The following KCNK9 variants were observed in gnomAD, a reference collection of about 807,000 sequenced individuals.
The protein encoded by KCNK9 is potassium channel subfamily K member 9.
In KCNK9, 1 loss-of-function variant was observed where a neutral mutation model predicts 10.8. The ratio of observed to expected loss-of-function variants is 0.09; its 90% CI spans 0.03 to 0.44. The LOEUF (loss-of-function observed/expected upper bound fraction) is 0.44. KCNK9 is among the 20% of genes least tolerant of loss of function. The probability of loss-of-function intolerance (pLI) is 0.97; values close to 1 mark genes in which losing one functional copy is unlikely to be tolerated. For synonymous variants in KCNK9, 231 were observed against 222.7 expected, an observed-to-expected ratio of 1.04 and a Z score of -0.33; for missense variants, 303 against 515.0, an observed-to-expected ratio of 0.59 and a Z score of 3.98.
intron 1 of KCNK9, among the ~76,000 whole-genome samples, 191 bp from the exon 2 acceptor site, chr8:139,619,290 G>A (rs2130106677): frequency 6.6e-6 from 1 of 152,158 alleles, no homozygotes; most frequent in East Asian, 1.9e-4. Context: ...CACTTTCTCA[G>A]AAGTCACATG....
At chr8:139,653,731 TA>T (rs1413611465) in intron 1 of KCNK9, among the ~76,000 whole-genome samples, 1 of 152,026 alleles carries the variant, frequency 6.6e-6, no homozygotes, top group African/African-American at 2.4e-5. Flanking sequence ...TCAAAACCCA[TA>T]AATCGCTCTA....
In KCNK9 at chr8:139,672,012, G is replaced by A. The variant is rs113267521; in HGVS notation, c.283+30698C>T. ...TCGCAGTTCCCGCCCTGATGAACAT[G>A]ATGCAGCATCGGCTTGAGGCTAGGA... is the stretch of plus-strand genomic sequence containing the variant. On this transcript the variant is annotated intron_variant, in intron 1 of 1. Coordinates refer to ENST00000520439, the MANE Select transcript of KCNK9 (RefSeq NM_001282534.2). Among the ~76,000 whole-genome samples the A allele has an allele frequency of 4.5e-4, 68 of 152,338 alleles. 1 individual carries two copies. The highest frequency in any genetic ancestry group is 1.6e-3 in the African/African-American group (66 of 41,576).
intron 2 of KCNK9, among the ~76,000 whole-genome samples, chr8:139,604,113 G>A (rs1289842152): frequency 6.6e-6 from 1 of 152,232 alleles, no homozygotes; most frequent in East Asian, 1.9e-4. Flanking sequence ...CAGAGGAAGA[G>A]AAGGATGCAA....
Position 139,662,687 on chromosome 8 carries a change from G to A in KCNK9, c.283+40023C>T, listed in dbSNP as rs3780042. Among the ~76,000 whole-genome samples, 88 of 152,114 alleles carry A rather than the reference G, an allele frequency of 5.8e-4. No homozygotes were observed. In the East Asian group the frequency reaches 0.016, roughly 28 times the overall value. On this transcript the variant is annotated intron_variant, in intron 1 of 1. Coordinates refer to ENST00000520439, the MANE Select transcript of KCNK9 (RefSeq NM_001282534.2). ...TTGAGGGAGGGTCTAGCCAGGGTGG[G>A]CAGCCACAGCCATTTTCAACCCAAC... is the stretch of plus-strand genomic sequence containing the variant.
intron 1 of KCNK9, among the ~76,000 whole-genome samples, chr8:139,672,641 C>T (rs1278956380): frequency 6.6e-6 from 1 of 152,244 alleles, no homozygotes; most frequent in Non-Finnish European, 1.5e-5. Flanking sequence ...GGTTGTGGGA[C>T]AGGGTCGGCC....
chr8:139,678,405 T>G (rs1816611543), intron 1 of KCNK9, among the ~76,000 whole-genome samples: 3 of 152,196 alleles, frequency 2.0e-5, no homozygotes, highest in Non-Finnish European at 2.9e-5. Context: ...CCCTAGGCTC[T>G]TAGGAAGCCC....
In KCNK9 at chr8:139,687,435, C is replaced by A. The variant is rs916416164; in HGVS notation, c.283+15275G>T. Among the ~76,000 whole-genome samples the A allele has an allele frequency of 9.2e-5, 13 of 141,314 alleles. 2 individuals are homozygous for A. Among genetic ancestry groups the A allele is most frequent in the African/African-American group, 1.8e-4 (7 of 38,048 alleles). The allele number at this position is 141,314 out of a possible 152,430, so 92.7% of individuals were successfully genotyped here. On this transcript the variant is annotated intron_variant, in intron 1 of 1. Coordinates refer to ENST00000520439, the MANE Select transcript of KCNK9 (RefSeq NM_001282534.2). ...TCATATATGTGTATACATATATATTCATATATATGTATACACATATATATT... is the reference window on the plus strand; with the variant it reads ...TCATATATGTGTATACATATATATTAATATATATGTATACACATATATATT...
intron 1 of KCNK9, among the ~76,000 whole-genome samples, chr8:139,660,913 T>G (rs1816136365): frequency 6.6e-6 from 1 of 152,106 alleles, no homozygotes; most frequent in Non-Finnish European, 1.5e-5. Flanking sequence ...AGCCCTTATT[T>G]CCCCTGTCCT....
At chr8:139,639,465 C>T (rs2129642258) in intron 1 of KCNK9, among the ~76,000 whole-genome samples, 1 of 152,316 alleles carries the variant, frequency 6.6e-6, no homozygotes, top group Admixed American at 6.5e-5. Flanking sequence ...TGTCCCAAAG[C>T]ACCCGTGGAG....
At chr8:139,691,761 G>A (rs1586696126) in intron 1 of KCNK9, among the ~76,000 whole-genome samples, 1 of 152,112 alleles carries the variant, frequency 6.6e-6, no homozygotes, top group Non-Finnish European at 1.5e-5. Flanking sequence ...GAGAAAAGGG[G>A]CTCTGAAATG....
chr8:139,696,209 C>A (rs554482411), intron 1 of KCNK9, among the ~76,000 whole-genome samples: 31 of 152,256 alleles, frequency 2.0e-4, no homozygotes, highest in Admixed American at 1.9e-3. Context: ...ATAATGAGCT[C>A]TTTACCACTG....
intron 1 of KCNK9, among the ~76,000 whole-genome samples, chr8:139,684,437 T>A (rs1247044409): frequency 6.6e-6 from 1 of 152,230 alleles, no homozygotes; most frequent in African/African-American, 2.4e-5. Flanking sequence ...CTTATTTTTA[T>A]GTCTTTTGTT....
chr8:139,676,929 G>A (rs1816562576), intron 1 of KCNK9, among the ~76,000 whole-genome samples: 1 of 152,182 alleles, frequency 6.6e-6, no homozygotes, highest in Non-Finnish European at 1.5e-5. Flanking sequence ...TCCAGCCTGG[G>A]TGACAGAGTG....
intron 1 of KCNK9, 143 bp from the exon 2 acceptor site, chr8:139,619,242 C>CGTG (rs1814702076): frequency 1.1e-6 from 1 of 899,378 alleles, no homozygotes; most frequent in African/African-American, 1.7e-5. Flanking sequence ...GGTAGAGGGG[C>CGTG]GTGGCCATAT....
intron 1 of KCNK9, among the ~76,000 whole-genome samples, chr8:139,653,558 G>T (rs2129681802): frequency 6.6e-6 from 1 of 151,842 alleles, no homozygotes; most frequent in South Asian, 2.1e-4. Context: ...CTGGAGTGTG[G>T]CTGAGATGCT....
intron 1 of KCNK9, 120 bp from the exon 2 acceptor site, chr8:139,619,219 A>G: frequency 1.7e-6 from 2 of 1,143,782 alleles, no homozygotes; most frequent in Non-Finnish European, 2.5e-6. Flanking sequence ...TACTGGGGGA[A>G]TTTCCTCTGC....
In KCNK9 at chr8:139,702,137, CAG is replaced by C. The variant is rs1817234095; in HGVS notation, c.283+571_283+572del. ...AAGTCCAAGCTCCAGAACTGGAACT[CAG>C]GGGAAAAAAGGAGCCGGGCGGGGGG... On this transcript the variant is annotated intron_variant, in intron 1 of 1. Transcript: ENST00000520439. The surrounding 1 kb of genome is among the most constrained non-coding windows in gnomAD (Gnocchi z 7.5). Among the ~76,000 whole-genome samples the C allele has an allele frequency of 6.6e-6, 1 of 152,096 alleles. No homozygotes were observed. Among genetic ancestry groups the C allele is most frequent in the African/African-American group, 2.4e-5 (1 of 41,406 alleles).
At chr8:139,622,805 A>G (rs1814834139) in intron 1 of KCNK9, among the ~76,000 whole-genome samples, 1 of 152,240 alleles carries the variant, frequency 6.6e-6, no homozygotes, top group Admixed American at 6.5e-5. Flanking sequence ...TTAAGTCCAC[A>G]TGTCAGATGT....
chr8:139,637,878 C>A (rs151181239), intron 1 of KCNK9, among the ~76,000 whole-genome samples: 71 of 152,020 alleles, frequency 4.7e-4, no homozygotes, highest in South Asian at 1.5e-3. Flanking sequence ...GGGCACTCCC[C>A]ACACTTCCCT....
Sources: allele counts gnomAD v4.1 joint callset (sites outside exome capture counted in the v4.1 genomes callset), GRCh38; gene constraint gnomAD v4.1.1; non-coding constraint Gnocchi (gnomAD v3.1); transcripts MANE v1.5; gene names NCBI Gene and HGNC (gene_info 2026-07-23, HGNC 2026-07-21).